The following GPHN variants were observed in gnomAD, a reference collection of about 807,000 sequenced individuals.
GPHN encodes gephyrin.
Under a neutral mutation model 95.5 loss-of-function variants are expected in GPHN, and 17 were observed. The observed-to-expected ratio is 0.18, with a 90% CI of 0.12 to 0.27. The LOEUF (loss-of-function observed/expected upper bound fraction) is 0.27. Among genes scored for constraint, GPHN ranks in the 10% least tolerant of loss-of-function variants. The pLI is 1.00. For synonymous variants in GPHN, 320 were observed against 322.5 expected (o/e 0.99, Z 0.08); for missense variants, 660 against 978.1 (o/e 0.67, Z 4.34).
chr14:66,517,390 A>G (rs1347564792), intron 1 of GPHN, among the ~76,000 whole-genome samples: 2 of 152,222 alleles, frequency 1.3e-5, no homozygotes, highest in South Asian at 2.1e-4. Flanking sequence ...ATGCAGTCCT[A>G]TCAATGACAT....
chr14:67,637,239 G>A, the GPHN span, among the ~76,000 whole-genome samples: 1 of 151,524 alleles, frequency 6.6e-6, no homozygotes, highest in Non-Finnish European at 1.5e-5. Context: ...GCGAAACCTC[G>A]TCTCTACTAA....
At chr14:67,338,879 C>A in the GPHN span, 7 of 781,630 alleles carry the variant, frequency 9.0e-6, no homozygotes, top group East Asian at 1.8e-4. Context: ...AAACCTGGTA[C>A]TTTTATTAAT....
At chr14:67,705,035 A>T in the GPHN span, among the ~76,000 whole-genome samples, 5 of 152,200 alleles carry the variant, frequency 3.3e-5, no homozygotes, top group African/African-American at 1.2e-4. Context: ...CATTTTGTTG[A>T]TGGAAATTAA....
intron 2 of GPHN, among the ~76,000 whole-genome samples, chr14:66,772,181 T>C (rs2059204762): frequency 1.3e-5 from 2 of 152,138 alleles, no homozygotes; most frequent in Admixed American, 6.5e-5. Context: ...ATTCTCAATG[T>C]GTATGTAATC....
the GPHN span, among the ~76,000 whole-genome samples, chr14:67,542,792 C>G: frequency 2.9e-4 from 44 of 152,278 alleles, 1 homozygote; most frequent in South Asian, 9.1e-3. Flanking sequence ...TCTCCGCCTC[C>G]TGGGCTCAAG....
chr14:67,729,048 C>T, the GPHN span: 1 of 841,262 alleles, frequency 1.2e-6, no homozygotes. Flanking sequence ...CAAATTCCGC[C>T]TGGCCAGGAG....
chr14:66,960,771 C>T (rs1048310657), intron 8 of GPHN, among the ~76,000 whole-genome samples: 3 of 152,040 alleles, frequency 2.0e-5, no homozygotes, highest in African/African-American at 7.2e-5. Context: ...AGAACCTTCT[C>T]AGGTCTTTTC....
chr14:67,130,284 A>C (rs765192760), intron 17 of GPHN, among the ~76,000 whole-genome samples: 25 of 152,110 alleles, frequency 1.6e-4, no homozygotes, highest in Admixed American at 1.0e-3. Flanking sequence ...TCCCTCCTCT[A>C]GTAGTTCCCA....
chr14:67,125,598 G>A (rs185872237), intron 17 of GPHN, among the ~76,000 whole-genome samples: 23 of 152,152 alleles, frequency 1.5e-4, no homozygotes, highest in East Asian at 5.8e-4. Flanking sequence ...CCAACGTGGC[G>A]AACCCCCGTC....
intron 2 of GPHN, among the ~76,000 whole-genome samples, chr14:66,765,467 C>T (rs1022146863): frequency 6.6e-6 from 1 of 152,160 alleles, no homozygotes; most frequent in African/African-American, 2.4e-5. Context: ...TCTTTTGCAG[C>T]AGCCTTTGGA....
the GPHN span, chr14:67,583,893 C>G: frequency 6.2e-7 from 1 of 1,613,136 alleles, no homozygotes; most frequent in Non-Finnish European, 8.5e-7. Context: ...GGTAGGTAGG[C>G]TACAAGGTCT....
chr14:66,534,839 T>A (rs867059173), intron 1 of GPHN, among the ~76,000 whole-genome samples: 1 of 152,256 alleles, frequency 6.6e-6, no homozygotes, highest in Middle Eastern at 3.4e-3. Context: ...AGTTATTCTG[T>A]CTTTGTCTTA....
the GPHN span, chr14:67,593,541 TAA>T: frequency 3.7e-5 from 20 of 544,146 alleles, no homozygotes; most frequent in African/African-American, 3.6e-4. Flanking sequence ...ATGCCAGTGA[TAA>T]TTTTGAAGTT....
intron 12 of GPHN, among the ~76,000 whole-genome samples, chr14:67,092,654 G>A (rs1330047205): frequency 1.3e-5 from 2 of 151,992 alleles, no homozygotes; most frequent in Non-Finnish European, 2.9e-5. Flanking sequence ...AAGGAAATAA[G>A]TAGAAACAGC....
chr14:67,303,457 C>T, the GPHN span: 30 of 1,279,754 alleles, frequency 2.3e-5, no homozygotes, highest in Middle Eastern at 2.0e-4. Context: ...GAATATAGAT[C>T]ATAAAATCAT....
intron 1 of GPHN, 64 bp from the exon 2 acceptor site, chr14:66,681,043 G>T: frequency 1.1e-6 from 1 of 924,430 alleles, no homozygotes; most frequent in South Asian, 1.3e-5. Context: ...CTTTTGGTCA[G>T]CAATAGCTTA....
intron 1 of GPHN, among the ~76,000 whole-genome samples, chr14:66,678,069 G>A (rs2066713329): frequency 6.6e-6 from 1 of 151,952 alleles, no homozygotes; most frequent in Non-Finnish European, 1.5e-5. Flanking sequence ...TATGTCTCAG[G>A]GATGACATTT....
chr14:67,598,377 A>G, the GPHN span, among the ~76,000 whole-genome samples: 5 of 152,292 alleles, frequency 3.3e-5, no homozygotes, highest in Admixed American at 6.5e-5. Flanking sequence ...GCCTAAGATC[A>G]GCTATACAAT....
chr14:66,685,199 G>T (rs529484515), intron 2 of GPHN, among the ~76,000 whole-genome samples: 2 of 152,042 alleles, frequency 1.3e-5, no homozygotes, highest in African/African-American at 2.4e-5. Flanking sequence ...GAATAGTGCC[G>T]CAATAAACAT....
Sources: gnomAD v4.1 joint callset for allele counts (sites outside exome capture counted in the v4.1 genomes callset) on GRCh38, gnomAD v4.1.1 for gene constraint, MANE v1.5 for transcripts, NCBI Gene and HGNC (gene_info 2026-07-23, HGNC 2026-07-21) for gene names.